The following CYFIP2 variants were observed in gnomAD, a reference collection of about 807,000 sequenced individuals.
The protein encoded by CYFIP2 is cytoplasmic FMR1-interacting protein 2.
A neutral mutation model predicts 158.7 loss-of-function variants in CYFIP2; 29 were observed. The observed-to-expected ratio is 0.18, with a 90% CI of 0.14 to 0.25. CYFIP2 has a LOEUF of 0.25. Ranked by LOEUF, CYFIP2 falls within the 10% of genes least tolerant of loss-of-function variation. The pLI, the probability that CYFIP2 is intolerant of heterozygous loss-of-function variation, is 1.00. For missense variants in CYFIP2, 852 were observed against 1,639.5 expected (o/e 0.52, Z 8.29); for synonymous variants, 585 against 617.6 (o/e 0.95, Z 0.78).
chr5:157,280,784 C>T (rs557990037), intron 1 of CYFIP2, among the ~76,000 whole-genome samples: 5 of 151,878 alleles, frequency 3.3e-5, no homozygotes, highest in Admixed American at 3.3e-4. Flanking sequence ...GAAGCAAAAC[C>T]CTGTGTCCTT....
chr5:157,303,132 C>G (rs762159894), intron 7 of CYFIP2: 3 of 434,892 alleles, frequency 6.9e-6, no homozygotes, highest in Non-Finnish European at 1.2e-5. Context: ...TCTGACCCTG[C>G]ATCAGGGTTG....
chr5:157,390,483 G>T (rs188169084), intron 29 of CYFIP2, 38 bp from the exon 30 acceptor site: 1 of 493,822 alleles, frequency 2.0e-6, no homozygotes, highest in South Asian at 1.6e-5. Context: ...CTCCTCCCCC[G>T]ACCTCTCACT....
chr5:157,337,743 A>G (rs915029624), intron 21 of CYFIP2, among the ~76,000 whole-genome samples: 2 of 152,250 alleles, frequency 1.3e-5, no homozygotes, highest in Non-Finnish European at 2.9e-5. Context: ...CCCTATGGTC[A>G]TCCCACCCGG....
At chr5:157,314,600 A>G (rs1454925163) in intron 12 of CYFIP2, 137 bp downstream of exon 12, 1 of 1,293,832 alleles carries the variant, frequency 7.7e-7, no homozygotes, top group East Asian at 2.6e-5. Flanking sequence ...CATTTAAAGT[A>G]TAAGTTCATT....
In CYFIP2 at chr5:157,327,981, G is replaced by A. The variant is rs1275327366; in HGVS notation, c.2088G>A (p.Leu696=). The A allele has an allele frequency of 1.2e-6, 2 of 1,613,812 alleles. No homozygotes were observed. The highest frequency in any genetic ancestry group is 1.7e-5 in the Admixed American group (1 of 59,996). The change falls in exon 19 of 31, where the codon CTG becomes CTA. Residue 696 remains leucine, a synonymous_variant. Transcript: ENST00000620254. ...LYDEIEAEVN[L]CFDQFVYKLA... is the part of the protein sequence containing the mutation. ...TGCTTCCTCTCCACCAGGTGAACCT[G>A]TGTTTTGATCAGTTTGTCTACAAGC...
chr5:157,384,536 T>C (rs1561788899), intron 28 of CYFIP2: 1 of 455,296 alleles, frequency 2.2e-6, no homozygotes, highest in Non-Finnish European at 4.4e-6. Context: ...ACATGGTAAG[T>C]ATTTTTGGAG....
At position 157,395,535 on chromosome 5, in the gene CYFIP2, T is replaced by G; in HGVS notation, c.*2535T>G. ...TTTTGATTTGTATTTTGGGGGTACC[T>G]GTGTTGAGTTGATAAACATTTCCAT... On this transcript the variant is annotated 3_prime_UTR_variant, in exon 31 of 31. Coordinates refer to ENST00000620254, the MANE Select transcript of CYFIP2 (RefSeq NM_001037333.3). The G allele has an allele frequency of 3.2e-6, 3 of 931,294 alleles. No homozygotes were observed. The South Asian group carries it at 4.1e-5, about 13-fold the overall frequency. 57.7% of individuals were successfully genotyped at this position (931,294 alleles called of 1,614,324 possible). A position where few individuals can be genotyped will look rare whatever the true frequency, so the allele number is the denominator to read the frequency against.
At chr5:157,342,553 A>C in intron 23 of CYFIP2, 1 of 257,116 alleles carries the variant, frequency 3.9e-6, no homozygotes, top group Non-Finnish European at 7.4e-6. Context: ...TTGTCATGCA[A>C]ATTTTTGCTT....
Position 157,324,073 on chromosome 5 carries a change from T to C in CYFIP2, c.1824T>C (p.Ser608=). 1 of 1,610,494 alleles carries C rather than the reference T, an allele frequency of 6.2e-7. No individual in the cohort carries two copies. Among genetic ancestry groups the C allele is most frequent in the Non-Finnish European group, 8.5e-7 (1 of 1,178,124 alleles). ...SFFFTHLLNI[S]EALQQCCDLS... ...TCTTCACACATCTGCTCAACATCAG[T>C]GGTGAGCTGCATCCCATCCCTGCTA... Residue 608 remains serine, a splice_region_variant and synonymous_variant, in exon 16 of 31, where the codon AGT becomes AGC. Transcript: ENST00000620254.
chr5:157,311,834 G>T lies in CYFIP2; in HGVS notation c.1110+53G>T, dbSNP rs1759755363. ...GCCCGTGGGCCCAGGGCCAGAAGGG[G>T]TAAGGAGCAGCCAGGAAAGAACATG... On this transcript the variant is annotated intron_variant, in intron 11 of 30. Transcript: ENST00000620254. This position sits in a 1 kb window ranked among gnomAD's most constrained non-coding sequence, Gnocchi z 4.7. 9 of 1,486,674 alleles carry T rather than the reference G, an allele frequency of 6.1e-6. No individual in the cohort carries two copies. The highest frequency in any genetic ancestry group is 2.5e-5 in the East Asian group (1 of 40,764). 92.1% of individuals were successfully genotyped at this position (1,486,674 alleles called of 1,614,324 possible). A position where few individuals can be genotyped will look rare whatever the true frequency, so the allele number is the denominator to read the frequency against.
Position 157,286,552 on chromosome 5 carries a change from GTATA to G in CYFIP2, c.118-443_118-440del, listed in dbSNP as rs34826918. Among the ~76,000 whole-genome samples, 202 of 138,080 alleles carry G rather than the reference GTATA, an allele frequency of 1.5e-3. 1 individual carries two copies. In the East Asian group the frequency reaches 0.019, roughly 13 times the overall value. 90.6% of individuals were successfully genotyped at this position (138,080 alleles called of 152,430 possible). A position where few individuals can be genotyped will look rare whatever the true frequency, so the allele number is the denominator to read the frequency against. On this transcript the variant is annotated intron_variant, in intron 2 of 30. Coordinates refer to ENST00000620254, the MANE Select transcript of CYFIP2 (RefSeq NM_001037333.3). ...TCCATTTATGGATATGCTATTTTAT[GTATA>G]TATATATATATATATATATATATTT...
chr5:157,364,015 C>CTA lies in CYFIP2; in HGVS notation c.3039+2420_3039+2421dup, dbSNP rs1477435927. ...GAAATGGGGACTGTTTGCGCTTCCT[C>CTA]TATAAGGAGTAATTGCTTCTCTGTT... On this transcript the variant is annotated intron_variant, in intron 26 of 30. Transcript: ENST00000620254. 9.2e-5 allele frequency: 14 copies of CTA among 152,098 alleles called. 2 individuals are homozygous for CTA. The highest frequency in any genetic ancestry group is 1.5e-5 in the Non-Finnish European group (1 of 68,026). The allele number at this position is 152,098 out of a possible 1,614,324, so 9.4% of individuals were successfully genotyped here. A position where few individuals can be genotyped will look rare whatever the true frequency, so the allele number is the denominator to read the frequency against.
chr5:157,340,908 T>C (rs1762203533), intron 22 of CYFIP2, among the ~76,000 whole-genome samples, 162 bp from the exon 23 acceptor site: 1 of 152,218 alleles, frequency 6.6e-6, no homozygotes, highest in South Asian at 2.1e-4. Flanking sequence ...AATGGGAAGA[T>C]GTCAGAAGAG....
chr5:157,367,250 T>G (rs1351884355), intron 26 of CYFIP2, among the ~76,000 whole-genome samples: 1 of 151,992 alleles, frequency 6.6e-6, no homozygotes, highest in Non-Finnish European at 1.5e-5. Flanking sequence ...TTTTAGGGGG[T>G]TGCCCTGGAC....
intron 28 of CYFIP2, among the ~76,000 whole-genome samples, chr5:157,388,413 G>C (rs1428531024): frequency 1.3e-5 from 2 of 152,184 alleles, no homozygotes; most frequent in East Asian, 3.8e-4. Flanking sequence ...TCATGGGCAA[G>C]TTTTAAAAGT....
chr5:157,392,776 C>T (rs1767439184), intron 30 of CYFIP2, 57 bp from the exon 31 acceptor site: 4 of 1,585,070 alleles, frequency 2.5e-6, no homozygotes, highest in Middle Eastern at 3.4e-4. Flanking sequence ...CCTGTTACTC[C>T]CTCTTTCCAC....
intron 3 of CYFIP2, 66 bp from the exon 4 acceptor site, chr5:157,294,717 G>C: frequency 1.5e-6 from 2 of 1,363,584 alleles, no homozygotes; most frequent in Admixed American, 1.7e-5. Flanking sequence ...GTGAGGATCT[G>C]GGGGCTTTTG....
intron 16 of CYFIP2, chr5:157,324,808 G>A (rs1760887299): frequency 6.7e-6 from 1 of 149,984 alleles, no homozygotes; most frequent in African/African-American, 2.5e-5. Context: ...GGAGTGCAGT[G>A]GCACTATCTC....
chr5:157,386,497 CA>C (rs1766706794), intron 28 of CYFIP2, among the ~76,000 whole-genome samples: 1 of 152,202 alleles, frequency 6.6e-6, no homozygotes, highest in African/African-American at 2.4e-5. Flanking sequence ...GCACACGGAT[CA>C]ACTTTCCTTG....
Sources: allele counts gnomAD v4.1 joint callset (sites outside exome capture counted in the v4.1 genomes callset), GRCh38; gene constraint gnomAD v4.1.1; non-coding constraint Gnocchi (gnomAD v3.1); transcripts MANE v1.5; gene names NCBI Gene and HGNC (gene_info 2026-07-23, HGNC 2026-07-21).